Variants in HSPG2 observed in about 807,000 individuals in gnomAD.
HSPG2 encodes the protein basement membrane-specific heparan sulfate proteoglycan core protein.
HSPG2 carries 278 observed loss-of-function variants against 526.6 expected under a neutral mutation model. The ratio of observed to expected loss-of-function variants is 0.53; its 90% CI spans 0.48 to 0.58. The LOEUF (loss-of-function observed/expected upper bound fraction) is 0.58, where lower values mean the gene tolerates loss of function less well. Among genes scored for constraint, HSPG2 ranks in the 20% least tolerant of loss-of-function variants. The pLI is 0.00. For synonymous variants in HSPG2, 2,465 were observed against 2,555.4 expected (o/e 0.96, Z 1.07); for missense variants, 5,354 against 6,099.5 (o/e 0.88, Z 4.07).
intron 1 of HSPG2, 89 bp from the exon 2 acceptor site, chr1:21,896,399 A>G: frequency 2.0e-6 from 3 of 1,501,478 alleles, no homozygotes; most frequent in Non-Finnish European, 2.8e-6. Context: ...GGGACCCAGA[A>G]TCCCACCTTC....
chr1:21,831,881 C>G (rs916670345), intron 81 of HSPG2, 85 bp from the exon 82 acceptor site: 5 of 1,407,820 alleles, frequency 3.6e-6, no homozygotes, highest in Non-Finnish European at 4.8e-6. Flanking sequence ...TAGAGGGGTC[C>G]CAGAGGAGGG....
intron 1 of HSPG2, among the ~76,000 whole-genome samples, chr1:21,911,417 A>C (rs1365166243): frequency 4.7e-5 from 7 of 148,552 alleles, no homozygotes; most frequent in Admixed American, 4.7e-4. Flanking sequence ...TTCCCTGCTG[A>C]CAGCTGCTGA....
chr1:21,874,317 C>T (rs1157516205), intron 28 of HSPG2, 89 bp downstream of exon 28: 4 of 1,542,570 alleles, frequency 2.6e-6, no homozygotes, highest in Non-Finnish European at 8.9e-7. Flanking sequence ...TTAACCACTG[C>T]CTCTCAGAAG....
rs1359267127 is a variant in HSPG2, at chr1:21,907,073, G to A, written c.64-10763C>T. ...CTGTCACCTGAGAAATCCAGACACA[G>A]CCTGAGCCTTCCCTCCCTGGCCATC... On this transcript the variant is annotated intron_variant, in intron 1 of 96. Coordinates refer to ENST00000374695, the MANE Select transcript of HSPG2 (RefSeq NM_005529.7). 3.3e-5 allele frequency among the ~76,000 whole-genome samples: 5 copies of A among 152,268 alleles called. No individual in the cohort carries two copies. The East Asian group carries it at 9.7e-4, about 29-fold the overall frequency.
In HSPG2 at chr1:21,847,232, AC is replaced by A. The variant is rs1356614795; in HGVS notation, c.8164+121del. 4.0e-5 allele frequency: 43 copies of A among 1,081,380 alleles called. No homozygotes were observed. The highest frequency in any genetic ancestry group is 4.1e-5 in the Non-Finnish European group (29 of 713,148). The allele number at this position is 1,081,380 out of a possible 1,614,324, so 67.0% of individuals were successfully genotyped here. A position where few individuals can be genotyped will look rare whatever the true frequency, so the allele number is the denominator to read the frequency against. On this transcript the variant is annotated intron_variant, in intron 62 of 96. Coordinates refer to ENST00000374695, the MANE Select transcript of HSPG2 (RefSeq NM_005529.7). The surrounding 1 kb of genome is among the most constrained non-coding windows in gnomAD (Gnocchi z 4.1). ...TGGGGTAGCCGTAGCCACTGAACCC[AC>A]GCATCTTTCCGCTGGCCCTTGCCTG...
In HSPG2 at chr1:21,831,332, G is replaced by A; in HGVS notation, c.11453-8C>T. 1 of 1,612,798 alleles carries A rather than the reference G, an allele frequency of 6.2e-7. No individual in the cohort carries two copies. The highest frequency in any genetic ancestry group is 8.5e-7 in the Non-Finnish European group (1 of 1,178,818). ...GCAGCTCCCGGACACAGCCTGGGAG[G>A]TGAGTGGGCAGGATGAGCACAGGGC... On this transcript the variant is annotated splice_polypyrimidine_tract_variant and splice_region_variant and intron_variant, in intron 83 of 96. Transcript: ENST00000374695.
intron 33 of HSPG2, chr1:21,870,151 A>G: frequency 1.4e-6 from 1 of 737,442 alleles, no homozygotes; most frequent in Non-Finnish European, 1.7e-6. Flanking sequence ...GCCTGGACTC[A>G]GCTCTCTGGT....
chr1:21,848,552 T>A lies in HSPG2; in HGVS notation c.7737+91A>T, dbSNP rs1638632444. The stretch of plus-strand genomic sequence containing the variant: ...ACTCAATGTTTGTTGAATGACTGAA[T>A]GAGCACAGAGTGAGGTGCTGAGAGT... On this transcript the variant is annotated intron_variant, in intron 59 of 96. Transcript: ENST00000374695. This position sits in a 1 kb window ranked among gnomAD's most constrained non-coding sequence, Gnocchi z 4.9. 1.4e-6 allele frequency: 2 copies of A among 1,415,416 alleles called. No individual in the cohort carries two copies. The highest frequency in any genetic ancestry group is 2.0e-6 in the Non-Finnish European group (2 of 1,003,444). 87.7% of individuals were successfully genotyped at this position (1,415,416 alleles called of 1,614,324 possible).
At chr1:21,926,922 G>A (rs1280704898) in intron 1 of HSPG2, among the ~76,000 whole-genome samples, 2 of 152,146 alleles carry the variant, frequency 1.3e-5, no homozygotes, top group Admixed American at 6.5e-5. Context: ...AATTGGAAAC[G>A]CCAAACAAGG....
intron 62 of HSPG2, among the ~76,000 whole-genome samples, chr1:21,846,875 C>T (rs1331195125): frequency 6.6e-6 from 1 of 152,112 alleles, no homozygotes; most frequent in East Asian, 1.9e-4. Flanking sequence ...TGGCATGTGC[C>T]TGTAGTCTCA....
At position 21,920,187 on chromosome 1, in the gene HSPG2, G is replaced by A. The variant is rs574176828; in HGVS notation, c.63+16968C>T. On this transcript the variant is annotated intron_variant, in intron 1 of 96. Transcript: ENST00000374695. ...CTCCCAAAGTGCTGGGATTACAGGC[G>A]TGAGCCACCGTGCGTGGCTGGAACT... is the stretch of plus-strand genomic sequence containing the variant. Among the ~76,000 whole-genome samples the A allele has an allele frequency of 7.4e-4, 113 of 152,318 alleles. No individual in the cohort carries two copies. In the Middle Eastern group the frequency reaches 0.02, roughly 28 times the overall value.
chr1:21,842,456 G>A lies in HSPG2; in HGVS notation c.8911-76C>T, dbSNP rs183180047. The stretch of plus-strand genomic sequence containing the variant: ...GAATGTCCCCAAGCCCAACTGTGCC[G>A]GTACCCAAGAGTTCTCTCGGAAGCT... On this transcript the variant is annotated intron_variant, in intron 67 of 96. Transcript: ENST00000374695. 1,040 of 1,454,936 alleles carry A rather than the reference G, an allele frequency of 7.1e-4. 2 individuals carry two copies. Among genetic ancestry groups the A allele is most frequent in the Non-Finnish European group, 8.9e-4 (976 of 1,095,180 alleles). 90.1% of individuals were successfully genotyped at this position (1,454,936 alleles called of 1,614,324 possible).
At position 21,828,271 on chromosome 1, in the gene HSPG2, A is replaced by G. The variant is rs146048924; in HGVS notation, c.12393T>C (p.Cys4131=). The change falls in exon 89 of 97, where the codon TGT becomes TGC. Residue 4131 remains cysteine (C), a synonymous_variant. Transcript: ENST00000374695. The surrounding 1 kb of genome is among the most constrained non-coding windows in gnomAD (Gnocchi z 6.0). ...CTTTCCCACCTTTGAATCCATCTCG[A>G]CACAGGCACTGGAACTCATACTCGC... ...PAGEYEFQCL[C]RDGFKGDLCE... 1.2e-6 allele frequency: 2 copies of G among 1,613,614 alleles called. No individual in the cohort carries two copies. The highest frequency in any genetic ancestry group is 1.7e-6 in the Non-Finnish European group (2 of 1,180,004).
chr1:21,872,480 G>C lies in HSPG2; in HGVS notation c.4030-103C>G. 7.2e-7 allele frequency: 1 copy of C among 1,396,686 alleles called. No homozygotes were observed. Among genetic ancestry groups the C allele is most frequent in the Non-Finnish European group, 9.9e-7 (1 of 1,008,630 alleles). The allele number at this position is 1,396,686 out of a possible 1,614,324, so 86.5% of individuals were successfully genotyped here. The stretch of plus-strand genomic sequence containing the variant: ...AAGGTGCGGAATGGGGTCCTGTTGA[G>C]ATCAGGACTGCGAGAGAAATAATGG... On this transcript the variant is annotated intron_variant, in intron 32 of 96. Transcript: ENST00000374695. The surrounding 1 kb of genome is among the most constrained non-coding windows in gnomAD (Gnocchi z 5.5).
At chr1:21,841,906 G>T in intron 69 of HSPG2, 96 bp downstream of exon 69, 1 of 1,511,236 alleles carries the variant, frequency 6.6e-7, no homozygotes, top group Non-Finnish European at 9.1e-7. Flanking sequence ...CATGAATGTG[G>T]GGCGTCCAGA....
intron 1 of HSPG2, among the ~76,000 whole-genome samples, chr1:21,911,288 C>T (rs1231286426): frequency 1.3e-5 from 2 of 152,224 alleles, no homozygotes; most frequent in African/African-American, 4.8e-5. Flanking sequence ...CTACCCAGAG[C>T]TGGCCCCAGA....
intron 1 of HSPG2, among the ~76,000 whole-genome samples, chr1:21,911,881 T>C (rs1164680354): frequency 6.6e-6 from 1 of 152,076 alleles, no homozygotes; most frequent in Non-Finnish European, 1.5e-5. Flanking sequence ...CACGCAGCTC[T>C]CTCTCCTCTG....
At chr1:21,881,076 G>A (rs1014789393) in intron 14 of HSPG2, among the ~76,000 whole-genome samples, 1 of 152,220 alleles carries the variant, frequency 6.6e-6, no homozygotes, top group Non-Finnish European at 1.5e-5. Flanking sequence ...AGGGAAGCCA[G>A]TGCGGAGGCA....
intron 13 of HSPG2, among the ~76,000 whole-genome samples, chr1:21,881,942 C>CAA (rs10570430): frequency 3.4e-5 from 3 of 87,242 alleles, no homozygotes; most frequent in African/African-American, 1.3e-4. Flanking sequence ...GACTCTGTCT[C>CAA]AAAAAAAAAA....
Sources: allele counts gnomAD v4.1 joint callset (sites outside exome capture counted in the v4.1 genomes callset), GRCh38; gene constraint gnomAD v4.1.1; non-coding constraint Gnocchi (gnomAD v3.1); transcripts MANE v1.5; gene names NCBI Gene and HGNC (gene_info 2026-07-23, HGNC 2026-07-21).